Variants in TBC1D2B observed in about 807,000 individuals in gnomAD.
TBC1D2B encodes TBC1 domain family, member 2B.
In TBC1D2B, 64 loss-of-function variants were observed where a neutral mutation model predicts 100.8. The ratio of observed to expected loss-of-function variants is 0.64; its 90% confidence interval spans 0.52 to 0.78. The LOEUF is 0.78. Ranked by LOEUF, TBC1D2B falls within the 30% of genes least tolerant of loss-of-function variation. The pLI is 0.00. For missense variants in TBC1D2B, 1,052 were observed against 1,218.4 expected, an observed-to-expected ratio of 0.86 and a Z score of 2.03; for synonymous variants, 480 against 479.7, an observed-to-expected ratio of 1.00 and a Z score of -0.01.
At chr15:78,073,882 T>A (rs945517104) in intron 1 of TBC1D2B, among the ~76,000 whole-genome samples, 2 of 150,276 alleles carry the variant, frequency 1.3e-5, no homozygotes, top group African/African-American at 4.9e-5. Flanking sequence ...GGCAGGAGAA[T>A]TGCTTGAACC....
chr15:78,003,559 G>T, intron 10 of TBC1D2B, 69 bp from the exon 11 acceptor site: 2 of 1,262,796 alleles, frequency 1.6e-6, no homozygotes, highest in Non-Finnish European at 2.3e-6. Flanking sequence ...ACGAGCAGAC[G>T]CGCAACCTGA....
At chr15:78,026,762 G>A (rs565047053) in intron 4 of TBC1D2B, among the ~76,000 whole-genome samples, 31 of 151,936 alleles carry the variant, frequency 2.0e-4, no homozygotes, top group African/African-American at 7.0e-4. Flanking sequence ...CTAAATATGC[G>A]TGGTGGTGCA....
At chr15:78,040,892 G>GAGAGAA (rs1567026322) in intron 3 of TBC1D2B, among the ~76,000 whole-genome samples, 11 of 37,272 alleles carry the variant, frequency 3.0e-4, no homozygotes, top group South Asian at 2.0e-3. Context: ...GAGAGAGAGA[G>GAGAGAA]AGAAAGAAAG....
At chr15:78,048,565 C>T (rs2073248037) in intron 2 of TBC1D2B, among the ~76,000 whole-genome samples, 1 of 152,176 alleles carries the variant, frequency 6.6e-6, no homozygotes. Flanking sequence ...CTTTTTTAAA[C>T]ATTTTCAAAT....
chr15:78,003,500 G>T lies in TBC1D2B; in HGVS notation c.2389-10C>A. On this transcript the variant is annotated splice_polypyrimidine_tract_variant and intron_variant, in intron 10 of 12. Transcript: ENST00000300584. The stretch of plus-strand genomic sequence containing the variant: ...ACACCCGCTGGTCCACCTGGAGAGG[G>T]AACAAAGGGGAGAAGTGTATCAGGC... 6.2e-7 allele frequency: 1 copy of T among 1,600,174 alleles called. No individual in the cohort carries two copies. The highest frequency in any genetic ancestry group is 1.1e-5 in the South Asian group (1 of 90,752).
At position 78,024,426 on chromosome 15, in the gene TBC1D2B, T is replaced by G. The variant is rs2072603016; in HGVS notation, c.1200A>C (p.Gln400His). The G allele has an allele frequency of 6.2e-7, 1 of 1,613,898 alleles. No individual in the cohort carries two copies. The highest frequency in any genetic ancestry group is 8.5e-7 in the Non-Finnish European group (1 of 1,179,902). The change falls in exon 6 of 13, where the codon CAA (glutamine) becomes CAC (histidine). Residue 400 changes from glutamine to histidine, a missense_variant. Coordinates refer to ENST00000300584, the MANE Select transcript of TBC1D2B (RefSeq NM_144572.2). ...VPKDTLELLH[Q>H]KDDQILGLTS... ...TAAGGCCCAGAATCTGATCATCCTTTTGGTGCAGAAGCTCGAGCGTGTCCT... is the reference window on the plus strand; with the variant it reads ...TAAGGCCCAGAATCTGATCATCCTTGTGGTGCAGAAGCTCGAGCGTGTCCT...
chr15:78,023,744 A>G (rs2072577628), intron 6 of TBC1D2B, among the ~76,000 whole-genome samples: 1 of 152,236 alleles, frequency 6.6e-6, no homozygotes, highest in East Asian at 1.9e-4. Context: ...ACTAGCTGTT[A>G]GGAGCAATGC....
chr15:78,067,645 G>C (rs538105702), intron 1 of TBC1D2B, among the ~76,000 whole-genome samples: 28 of 152,356 alleles, frequency 1.8e-4, no homozygotes, highest in African/African-American at 6.5e-4. Flanking sequence ...GTCTGCTCAA[G>C]GAAAGTCTGC....
intron 12 of TBC1D2B, 148 bp downstream of exon 12, chr15:78,001,469 GCT>G: frequency 1.1e-6 from 1 of 945,880 alleles, no homozygotes; most frequent in Non-Finnish European, 1.4e-6. Flanking sequence ...CACACCCCTT[GCT>G]CTCTTTTCCC....
intron 6 of TBC1D2B, 133 bp downstream of exon 6, chr15:78,024,023 T>C: frequency 5.2e-6 from 6 of 1,162,918 alleles, no homozygotes; most frequent in Non-Finnish European, 7.0e-6. Context: ...TAAGTCCTGT[T>C]ACACTTGTGG....
rs769017394 is a variant in TBC1D2B at position 78,029,916 on chromosome 15, C to T, written c.847+91G>A. ...AGCCCCCATTGGTCCTTATGCTTCT[C>T]GAAATACCTGCTAATAATGTGTCTC... On this transcript the variant is annotated intron_variant, in intron 4 of 12. Coordinates refer to ENST00000300584, the MANE Select transcript of TBC1D2B (RefSeq NM_144572.2). The T allele has an allele frequency of 4.4e-6, 5 of 1,126,764 alleles. No homozygotes were observed. In the East Asian group the frequency reaches 1.0e-4, roughly 23 times the overall value. The allele number at this position is 1,126,764 out of a possible 1,614,324, so 69.8% of individuals were successfully genotyped here. A position where few individuals can be genotyped will look rare whatever the true frequency, so the allele number is the denominator to read the frequency against.
At chr15:78,004,198 G>A (rs189269054) in intron 10 of TBC1D2B, among the ~76,000 whole-genome samples, 3 of 152,282 alleles carry the variant, frequency 2.0e-5, no homozygotes, top group East Asian at 3.9e-4. Context: ...TGTCAGGCAC[G>A]GGGCCAGTGC....
intron 3 of TBC1D2B, among the ~76,000 whole-genome samples, chr15:78,032,980 A>G (rs1425991269): frequency 6.6e-6 from 1 of 152,238 alleles, no homozygotes; most frequent in Non-Finnish European, 1.5e-5. Context: ...TCTGATGTAA[A>G]CCATCAATCC....
chr15:78,002,278 A>G (rs1291388900), intron 11 of TBC1D2B, among the ~76,000 whole-genome samples: 1 of 152,110 alleles, frequency 6.6e-6, no homozygotes, highest in Non-Finnish European at 1.5e-5. Context: ...TCTGCCTCCC[A>G]GGTTCAAGTG....
chr15:78,002,503 T>C (rs2071942595), intron 11 of TBC1D2B: 1 of 151,946 alleles, frequency 6.6e-6, no homozygotes, highest in Non-Finnish European at 1.5e-5. Context: ...TTTTTTTAAT[T>C]TGTGTTTGGG....
chr15:78,024,024 A>T, intron 6 of TBC1D2B, 132 bp downstream of exon 6: 1 of 1,160,346 alleles, frequency 8.6e-7, no homozygotes, highest in Non-Finnish European at 1.2e-6. Flanking sequence ...AAGTCCTGTT[A>T]CACTTGTGGG....
At chr15:78,070,116 C>A (rs1214418185) in intron 1 of TBC1D2B, among the ~76,000 whole-genome samples, 1 of 152,202 alleles carries the variant, frequency 6.6e-6, no homozygotes, top group African/African-American at 2.4e-5. Context: ...CCTGCCTCTT[C>A]CAAAGGCTAT....
intron 10 of TBC1D2B, among the ~76,000 whole-genome samples, chr15:78,004,978 G>A (rs190965277): frequency 4.6e-5 from 7 of 152,352 alleles, no homozygotes; most frequent in Admixed American, 4.6e-4. Context: ...GAGCTGTAAA[G>A]TGGCAAGGGA....
At chr15:78,043,662 G>A (rs1035018332) in intron 3 of TBC1D2B, among the ~76,000 whole-genome samples, 25 of 152,160 alleles carry the variant, frequency 1.6e-4, no homozygotes, top group African/African-American at 5.8e-4. Context: ...GATGAATCTT[G>A]AAAATATTAT....
Sources: allele counts gnomAD v4.1 joint callset (sites outside exome capture counted in the v4.1 genomes callset), GRCh38; gene constraint gnomAD v4.1.1; transcripts MANE v1.5; gene names NCBI Gene and HGNC (gene_info 2026-07-23, HGNC 2026-07-21).